TPRG1: variants seen among roughly 807,000 people sequenced by gnomAD.
The protein encoded by TPRG1 is tumor protein p63-regulated gene 1 protein.
In TPRG1, 29 loss-of-function variants were observed where a neutral mutation model predicts 29.3. That is an observed-to-expected ratio of 0.99 (90% CI 0.74 to 1.35). TPRG1 has a LOEUF of 1.35. Among genes scored for constraint, TPRG1 ranks in the 40% most tolerant of loss-of-function variants. The pLI is 0.00. For missense variants in TPRG1, 327 were observed against 335.0 expected, an observed-to-expected ratio of 0.98 and a Z score of 0.19; for synonymous variants, 130 against 116.8, an observed-to-expected ratio of 1.11 and a Z score of -0.73.
At chr3:189,124,272 G>C (rs906863435) in intron 1 of TPRG1, among the ~76,000 whole-genome samples, 3 of 152,002 alleles carry the variant, frequency 2.0e-5, no homozygotes, top group Admixed American at 2.0e-4. Flanking sequence ...GAAATTCCTT[G>C]TGGCAATAAA....
intron 1 of TPRG1, among the ~76,000 whole-genome samples, chr3:189,101,980 G>A (rs1371112876): frequency 2.0e-5 from 3 of 152,046 alleles, no homozygotes; most frequent in African/African-American, 7.2e-5. Context: ...AACAAATAGA[G>A]GTACTGAGTT....
chr3:189,228,882 CA>C (rs1342895507), intron 3 of TPRG1, among the ~76,000 whole-genome samples: 2 of 151,778 alleles, frequency 1.3e-5, no homozygotes, highest in Non-Finnish European at 2.9e-5. Flanking sequence ...AGGAGTCTAC[CA>C]AAAAAACTGT....
intron 2 of TPRG1, chr3:189,132,310 TATC>T (rs1180474453): frequency 6.6e-6 from 1 of 152,242 alleles, no homozygotes; most frequent in Non-Finnish European, 1.5e-5. Context: ...ACTGGAACCC[TATC>T]ATCAGAGCTG....
intron 1 of TPRG1, among the ~76,000 whole-genome samples, chr3:189,185,695 G>T (rs953309570): frequency 4.6e-5 from 7 of 152,144 alleles, no homozygotes; most frequent in Non-Finnish European, 8.8e-5. Flanking sequence ...ACATTTTGCA[G>T]CATGTGTTTC....
intron 1 of TPRG1, among the ~76,000 whole-genome samples, chr3:189,206,080 TTTTCTTTC>T (rs774213480): frequency 7.0e-6 from 1 of 143,212 alleles, no homozygotes. Flanking sequence ...CTTTCTTTCT[TTTTCTTTC>T]TTTCTTTCTT....
At chr3:189,106,639 G>A (rs1719857658) in intron 1 of TPRG1, among the ~76,000 whole-genome samples, 1 of 152,030 alleles carries the variant, frequency 6.6e-6, no homozygotes, top group Non-Finnish European at 1.5e-5. Context: ...AATGTTTCCT[G>A]GATGATTGCA....
At chr3:189,055,001 G>A (rs1289144003) in intron 4 of TPRG1, among the ~76,000 whole-genome samples, 1 of 152,174 alleles carries the variant, frequency 6.6e-6, no homozygotes, top group African/African-American at 2.4e-5. Context: ...GCAATAAAGT[G>A]GAGTGCATTA....
intron 1 of TPRG1, among the ~76,000 whole-genome samples, chr3:189,108,889 C>A (rs754771731): frequency 9.2e-5 from 14 of 151,910 alleles, no homozygotes; most frequent in Non-Finnish European, 1.6e-4. Context: ...GCGGTGTTTC[C>A]ATCTTGCTTT....
At chr3:189,138,773 C>G (rs1171860405) in intron 3 of TPRG1, among the ~76,000 whole-genome samples, 1 of 152,068 alleles carries the variant, frequency 6.6e-6, no homozygotes, top group African/African-American at 2.4e-5. Flanking sequence ...AGCTTTGTGT[C>G]TGGAGAACAG....
chr3:189,305,577 G>A (rs1721498428), intron 4 of TPRG1, among the ~76,000 whole-genome samples: 1 of 152,182 alleles, frequency 6.6e-6, no homozygotes, highest in South Asian at 2.1e-4. Context: ...CTGCTATGAT[G>A]ATTTAAAGTA....
intron 1 of TPRG1, among the ~76,000 whole-genome samples, chr3:189,110,400 T>G (rs944276982): frequency 6.6e-5 from 10 of 152,314 alleles, no homozygotes; most frequent in African/African-American, 2.4e-4. Context: ...AATTGGTTTG[T>G]AAATGTTGGG....
At chr3:189,099,962 G>A (rs557739780), upstream of TPRG1, among the ~76,000 whole-genome samples, 1 of 152,164 alleles carries the variant, frequency 6.6e-6, no homozygotes, top group African/African-American at 2.4e-5. Flanking sequence ...GGTCCATCAT[G>A]CCTAAATACA....
chr3:189,218,215 A>G (rs111289618), intron 3 of TPRG1, among the ~76,000 whole-genome samples: 10,307 of 151,550 alleles, frequency 0.068, 472 homozygotes, highest in Middle Eastern at 0.13. Flanking sequence ...CGGGGTTCAC[A>G]CCATTCTCCT....
At chr3:189,088,917 T>G (rs116760733) in intron 4 of TPRG1, among the ~76,000 whole-genome samples, 2,071 of 152,312 alleles carry the variant, frequency 0.014, 45 homozygotes, top group African/African-American at 0.045. Flanking sequence ...CAAGCCCTAA[T>G]GCTCTTCCTC....
chr3:189,259,462 C>CTTTTT (rs35016491), intron 4 of TPRG1, among the ~76,000 whole-genome samples: 4 of 92,118 alleles, frequency 4.3e-5, no homozygotes, highest in African/African-American at 4.8e-5. Context: ...CCAGGAATCC[C>CTTTTT]TTTTTTTTTT....
intron 4 of TPRG1, among the ~76,000 whole-genome samples, chr3:189,051,103 G>T (rs1715290388): frequency 1.3e-5 from 2 of 152,116 alleles, no homozygotes; most frequent in Admixed American, 1.3e-4. Context: ...ACAAGAGAAA[G>T]AAATAAAGGG....
At chr3:189,248,350 T>G (rs1741659828) in intron 4 of TPRG1, among the ~76,000 whole-genome samples, 1 of 151,870 alleles carries the variant, frequency 6.6e-6, no homozygotes, top group South Asian at 2.1e-4. Context: ...GATAATTACT[T>G]TCTTCCTTGT....
rs149187785 is a variant in TPRG1 at position 189,003,759 on chromosome 3, G to T, written c.-877-784G>T. The stretch of plus-strand genomic sequence containing the variant: ...TCCTGATCCTTCTACTTTCCCAAAT[G>T]CTACCCTTTTAAAGACTCTTTGTGT... On this transcript the variant is annotated intron_variant, in intron 2 of 10. Transcript: ENST00000433971. Among the ~76,000 whole-genome samples the T allele has an allele frequency of 3.7e-3, 558 of 152,218 alleles. 4 individuals carry two copies. The Middle Eastern group carries it at 0.041, about 11-fold the overall frequency.
chr3:189,099,713 A>G (rs2152188223), upstream of TPRG1, among the ~76,000 whole-genome samples: 1 of 152,246 alleles, frequency 6.6e-6, no homozygotes, highest in Non-Finnish European at 1.5e-5. Context: ...AAGGACGTCA[A>G]CCATGGTTGC....
Sources: gnomAD v4.1 joint callset for allele counts (sites outside exome capture counted in the v4.1 genomes callset) on GRCh38, gnomAD v4.1.1 for gene constraint, MANE v1.5 for transcripts, NCBI Gene and HGNC (gene_info 2026-07-23, HGNC 2026-07-21) for gene names.